The following PTPRD variants were observed in gnomAD, a reference collection of about 807,000 sequenced individuals.
The protein encoded by PTPRD is receptor-type tyrosine-protein phosphatase delta.
Under a neutral mutation model 214.5 loss-of-function variants are expected in PTPRD, and 34 were observed. The ratio of observed to expected loss-of-function variants is 0.16; its 90% confidence interval spans 0.12 to 0.21. The LOEUF (loss-of-function observed/expected upper bound fraction) is 0.21, where lower values mean the gene tolerates loss of function less well. Ranked by LOEUF, PTPRD falls within the 10% of genes least tolerant of loss-of-function variation. The pLI, the probability that PTPRD is intolerant of heterozygous loss-of-function variation, is 1.00. For missense variants in PTPRD, 2,545 were observed against 2,398.7 expected, an observed-to-expected ratio of 1.06 and a Z score of -1.27; for synonymous variants, 1,128 against 845.7, an observed-to-expected ratio of 1.33 and a Z score of -5.79.
intron 7 of PTPRD, among the ~76,000 whole-genome samples, chr9:9,683,602 CA>C (rs2097114643): frequency 1.3e-5 from 2 of 151,550 alleles, no homozygotes; most frequent in African/African-American, 4.8e-5. Flanking sequence ...ATAAGAATTT[CA>C]AAGAAAAACA....
chr9:9,225,525 T>C (rs963043386), intron 9 of PTPRD, among the ~76,000 whole-genome samples: 3 of 152,070 alleles, frequency 2.0e-5, no homozygotes, highest in African/African-American at 4.8e-5. Context: ...AATCTATCTA[T>C]GCAGAACCCA....
At chr9:8,720,799 C>T (rs564403421) in intron 12 of PTPRD, among the ~76,000 whole-genome samples, 1 of 152,082 alleles carries the variant, frequency 6.6e-6, no homozygotes, top group African/African-American at 2.4e-5. Context: ...GACTCTAGGG[C>T]CTGAAGATGA....
intron 43 of PTPRD, 90 bp downstream of exon 43, chr9:8,338,832 G>C: frequency 9.8e-7 from 1 of 1,022,128 alleles, no homozygotes; most frequent in East Asian, 2.8e-5. Flanking sequence ...ACAGTCAAGT[G>C]GCAAGTGCTT....
At chr9:10,030,814 T>G (rs2097050356) in intron 4 of PTPRD, among the ~76,000 whole-genome samples, 1 of 152,218 alleles carries the variant, frequency 6.6e-6, no homozygotes. Flanking sequence ...CCATCCCGCT[T>G]CATCTTCACC....
intron 7 of PTPRD, among the ~76,000 whole-genome samples, chr9:9,700,508 A>C (rs567641250): frequency 6.6e-6 from 1 of 152,224 alleles, no homozygotes; most frequent in African/African-American, 2.4e-5. Flanking sequence ...CTTGTTTTTA[A>C]AACATTATAT....
intron 5 of PTPRD, among the ~76,000 whole-genome samples, chr9:9,823,889 A>C (rs62533717): frequency 0.17 from 25,485 of 152,028 alleles, 2,207 homozygotes; most frequent in Non-Finnish European, 0.19. Flanking sequence ...CAACACAAAG[A>C]AACAATAAAT....
At chr9:8,636,662 T>C (rs767627010) in intron 13 of PTPRD, 37 bp downstream of exon 13, 2 of 1,608,614 alleles carry the variant, frequency 1.2e-6, no homozygotes, top group South Asian at 1.1e-5. Flanking sequence ...AGCAGATACA[T>C]TCTTCCCCCA....
intron 12 of PTPRD, among the ~76,000 whole-genome samples, chr9:8,703,554 C>T (rs777235977): frequency 6.6e-6 from 1 of 152,166 alleles, no homozygotes; most frequent in Non-Finnish European, 1.5e-5. Flanking sequence ...TAGGACACAA[C>T]CTTCCCTGGA....
rs1391676805 is a variant in PTPRD, at chr9:10,268,374, T to C, written c.-545+72589A>G. On this transcript the variant is annotated intron_variant, in intron 3 of 45. Coordinates refer to ENST00000381196, the MANE Select transcript of PTPRD (RefSeq NM_002839.4). The stretch of plus-strand genomic sequence containing the variant: ...GAGGGGCAGCATTTTTTATTTGTTA[T>C]TTTTAAATGTTCTAAATTTGTAACT... Among the ~76,000 whole-genome samples the C allele has an allele frequency of 2.6e-5, 4 of 151,698 alleles. No homozygotes were observed. In the East Asian group the frequency reaches 7.7e-4, roughly 29 times the overall value.
At chr9:9,143,933 TGA>T (rs2099864312) in intron 10 of PTPRD, among the ~76,000 whole-genome samples, 1 of 152,252 alleles carries the variant, frequency 6.6e-6, no homozygotes, top group African/African-American at 2.4e-5. Context: ...TTTTCTCATG[TGA>T]TCATTCATCC....
At chr9:9,707,144 G>A (rs10739199) in intron 7 of PTPRD, among the ~76,000 whole-genome samples, 56,900 of 151,922 alleles carry the variant, frequency 0.37, 11,596 homozygotes, top group East Asian at 0.68. Flanking sequence ...GCCATAAAGG[G>A]ATTCTTTTGT....
rs76382524 is a variant in PTPRD, at chr9:9,064,417, A to G, written c.-142-45682T>C. On this transcript the variant is annotated intron_variant, in intron 10 of 45. Coordinates refer to ENST00000381196, the MANE Select transcript of PTPRD (RefSeq NM_002839.4). ...ATGTAGTCAGAGAAATCATTGTCCC[A>G]TGATGTCTTTTCTTGGGTCATCTTG... 9.4e-3 allele frequency among the ~76,000 whole-genome samples: 1,435 copies of G among 152,264 alleles called. 26 individuals carry two copies. The highest frequency in any genetic ancestry group is 0.033 in the African/African-American group (1,365 of 41,566).
At chr9:10,540,269 C>T (rs1399393315) in intron 2 of PTPRD, among the ~76,000 whole-genome samples, 4 of 152,186 alleles carry the variant, frequency 2.6e-5, no homozygotes, top group Admixed American at 2.0e-4. Context: ...CTAAAGTGAT[C>T]TTCCTGCCTC....
At chr9:9,380,055 T>C (rs2061769994) in intron 9 of PTPRD, among the ~76,000 whole-genome samples, 1 of 152,092 alleles carries the variant, frequency 6.6e-6, no homozygotes, top group African/African-American at 2.4e-5. Flanking sequence ...ATGTGGTGTT[T>C]AAAGGTGTAG....
At chr9:8,687,263 T>G (rs1355572324) in intron 12 of PTPRD, among the ~76,000 whole-genome samples, 4 of 152,220 alleles carry the variant, frequency 2.6e-5, no homozygotes, top group Non-Finnish European at 5.9e-5. Flanking sequence ...CAAAGCGCTT[T>G]CTTTCAAGAT....
intron 10 of PTPRD, among the ~76,000 whole-genome samples, chr9:9,179,391 T>C (rs977935520): frequency 2.6e-5 from 4 of 152,106 alleles, no homozygotes; most frequent in Admixed American, 6.6e-5. Flanking sequence ...CTGGCTATCA[T>C]TAGCTTGATC....
chr9:9,450,439 AC>A (rs1210885161), intron 8 of PTPRD, among the ~76,000 whole-genome samples: 1 of 151,596 alleles, frequency 6.6e-6, no homozygotes, highest in Non-Finnish European at 1.5e-5. Context: ...TTATTTTTTG[AC>A]TTTTTAATTA....
chr9:9,223,780 C>T (rs973040819), intron 9 of PTPRD, among the ~76,000 whole-genome samples: 2 of 151,930 alleles, frequency 1.3e-5, no homozygotes, highest in Non-Finnish European at 2.9e-5. Flanking sequence ...TGAGTATTAA[C>T]TGAAGAACTG....
chr9:9,486,309 C>A (rs2095634813), intron 8 of PTPRD, among the ~76,000 whole-genome samples: 1 of 151,894 alleles, frequency 6.6e-6, no homozygotes, highest in South Asian at 2.1e-4. Context: ...GATTGTTAGG[C>A]TGCTGTTTCA....
Sources: allele counts gnomAD v4.1 joint callset (sites outside exome capture counted in the v4.1 genomes callset), GRCh38; gene constraint gnomAD v4.1.1; transcripts MANE v1.5; gene names NCBI Gene and HGNC (gene_info 2026-07-23, HGNC 2026-07-21).